The following STK26 variants were observed in gnomAD, a reference collection of about 807,000 sequenced individuals.
The protein encoded by STK26 is serine/threonine kinase 26.
In STK26, 14 loss-of-function variants were observed where a neutral mutation model predicts 34.7. The observed-to-expected ratio is 0.40, with a 90% CI of 0.27 to 0.63. STK26 has a LOEUF of 0.63. Among genes scored for constraint, STK26 ranks in the 30% least tolerant of loss-of-function variants. The pLI is 0.38. For synonymous variants in STK26, 100 were observed against 109.8 expected (o/e 0.91, Z 0.56); for missense variants, 226 against 309.1 (o/e 0.73, Z 2.02).
intron 2 of STK26, among the ~76,000 whole-genome samples, chrX:132,052,883 G>A (rs752869124): frequency 2.1e-4 from 23 of 111,911 alleles, no homozygotes; most frequent in Non-Finnish European, 4.1e-4. Flanking sequence ...TCTAAAGGAA[G>A]TTATAAGGAG....
intron 2 of STK26, among the ~76,000 whole-genome samples, chrX:132,030,850 T>G (rs952977322): frequency 8.9e-6 from 1 of 112,098 alleles, no homozygotes; most frequent in Admixed American, 9.4e-5. Context: ...AAAAAATCAA[T>G]TAAATACACA....
rs780838141 is a variant in STK26, at chrX:132,074,142, G to C, written c.1234G>C (p.Ala412Pro). Residue 412 changes from alanine to proline, a missense_variant, in exon 12 of 12, where the codon GCA becomes CCA. Transcript: ENST00000394334. The stretch of plus-strand genomic sequence containing the variant: ...TTTTTAAAAATTTTATAGGTGTTCA[G>C]CAGACGAATCCCCCTAAGAAACTTA... Reference protein sequence around the residue: ...KLIEKFQKCSADESP With the variant: ...KLIEKFQKCSPDESP 1 of 1,205,524 alleles carries C rather than the reference G, an allele frequency of 8.3e-7. No homozygotes were observed. Among genetic ancestry groups the C allele is most frequent in the East Asian group, 3.0e-5 (1 of 33,665 alleles).
intron 2 of STK26, among the ~76,000 whole-genome samples, chrX:132,047,042 A>G (rs1926520533): frequency 8.9e-6 from 1 of 112,411 alleles, no homozygotes; most frequent in Admixed American, 9.5e-5. Flanking sequence ...CTGTCCACAT[A>G]AAGAAATTTA....
intron 9 of STK26, 38 bp from the exon 10 acceptor site, chrX:132,072,775 T>C: frequency 8.6e-7 from 1 of 1,161,821 alleles, no homozygotes; most frequent in Non-Finnish European, 1.2e-6. Context: ...GACACTTATT[T>C]TAATTTCATG....
At chrX:132,063,589 T>C (rs1280712933) in intron 4 of STK26, 100 bp downstream of exon 4, 1 of 761,128 alleles carries the variant, frequency 1.3e-6, no homozygotes, top group Non-Finnish European at 1.9e-6. Flanking sequence ...GCACGCTAAG[T>C]GGTTGCTTTA....
chrX:132,071,204 G>C lies in STK26; in HGVS notation c.919G>C (p.Glu307Gln), dbSNP rs764289150. The C allele has an allele frequency of 8.3e-7, 1 of 1,208,763 alleles. No homozygotes were observed. The highest frequency in any genetic ancestry group is 3.0e-5 in the East Asian group (1 of 33,786). The part of the protein sequence containing the change: ...EGHSDDESDS[E>Q]GSDSESTSRE... Reference sequence around the variant, plus strand: ...ACACAGTGATGATGAATCTGATTCCGAGGGCTCTGATTCGTATGTACAAAT... The same window carrying C: ...ACACAGTGATGATGAATCTGATTCCCAGGGCTCTGATTCGTATGTACAAAT... The change falls in exon 8 of 12, where the codon GAG (glutamate) becomes CAG (glutamine). Residue 307 changes from glutamate (E) to glutamine (Q), a missense_variant. Transcript: ENST00000394334.
intron 1 of STK26, 29 bp downstream of exon 1, chrX:132,023,436 C>A: frequency 1.7e-6 from 1 of 600,760 alleles, no homozygotes; most frequent in Non-Finnish European, 2.8e-6. Flanking sequence ...AGCTGCGCCG[C>A]TAACAGCCCA....
At position 132,072,971 on chromosome X, in the gene STK26, C is replaced by T. The variant is rs761659579; in HGVS notation, c.1104C>T (p.Asp368=). ...TTCTTTCTCAGCTTAAACAGCAGGA[C>T]GAGAATAACGCTAGCAGGAATCAGG... ...TPAFAELKQQ[D]ENNASRNQAI... is the part of the protein sequence containing the mutation. The change falls in exon 11 of 12, where the codon GAC becomes GAT. Residue 368 remains aspartate (D), a synonymous_variant. Transcript: ENST00000394334. The T allele has an allele frequency of 1.8e-5, 22 of 1,207,713 alleles. No individual in the cohort carries two copies. Among genetic ancestry groups the T allele is most frequent in the Middle Eastern group, 4.6e-4 (2 of 4,356 alleles).
intron 3 of STK26, among the ~76,000 whole-genome samples, chrX:132,063,120 G>T (rs1158875778): frequency 9.0e-6 from 1 of 110,767 alleles, no homozygotes; most frequent in African/African-American, 3.3e-5. Flanking sequence ...ATTTTTAAAA[G>T]TATAATTAAA....
chrX:132,074,116 T>C lies in STK26; in HGVS notation c.1227-19T>C. 4 of 1,195,529 alleles carry C rather than the reference T, an allele frequency of 3.3e-6. No individual in the cohort carries two copies. Among genetic ancestry groups the C allele is most frequent in the Non-Finnish European group, 4.5e-6 (4 of 884,624 alleles). The stretch of plus-strand genomic sequence containing the variant: ...ATGCATAGTTGTACATTGGTTTAAA[T>C]TTTTTAAAAATTTTATAGGTGTTCA... On this transcript the variant is annotated intron_variant, in intron 11 of 11. Coordinates refer to ENST00000394334, the MANE Select transcript of STK26 (RefSeq NM_016542.4).
chrX:132,036,018 A>G (rs1003476688), intron 2 of STK26, among the ~76,000 whole-genome samples: 6 of 111,621 alleles, frequency 5.4e-5, no homozygotes, highest in African/African-American at 1.6e-4. Flanking sequence ...AATATTCTCT[A>G]TACCTGTCAG....
intron 1 of STK26, 22 bp from the exon 2 acceptor site, chrX:132,023,475 GCCCAGTAACCC>G (rs1935028606): frequency 1.3e-6 from 1 of 775,112 alleles, no homozygotes; most frequent in Non-Finnish European, 1.9e-6. Context: ...CGCGCCGCCA[GCCCAGTAACCC>G]CACTTTTGTG....
Position 132,050,396 on chromosome X carries a change from A to G in STK26, c.43-4235A>G, listed in dbSNP as rs756370454. On this transcript the variant is annotated intron_variant, in intron 2 of 11. Transcript: ENST00000394334. ...ATATGTTGCTTGTGTTTTGACAAAC[A>G]TTATGTTTCTAATCTTGAGTCATCC... is the stretch of plus-strand genomic sequence containing the variant. Among the ~76,000 whole-genome samples, 11 of 112,111 alleles carry G rather than the reference A, an allele frequency of 9.8e-5. No individual in the cohort carries two copies. In the East Asian group the frequency reaches 2.0e-3, roughly 20 times the overall value.
chrX:132,024,798 G>T, intron 2 of STK26, among the ~76,000 whole-genome samples: 1 of 104,490 alleles, frequency 9.6e-6, no homozygotes, highest in African/African-American at 3.5e-5. Flanking sequence ...GTCCACAAAA[G>T]TGATTTTTAA....
At chrX:132,060,489 A>G (rs1927010407) in intron 3 of STK26, among the ~76,000 whole-genome samples, 1 of 111,607 alleles carries the variant, frequency 9.0e-6, no homozygotes, top group African/African-American at 3.3e-5. Context: ...TTAATCAGGC[A>G]AAATATACTT....
chrX:132,068,349 G>A, intron 5 of STK26, 26 bp downstream of exon 5: 1 of 1,194,547 alleles, frequency 8.4e-7, no homozygotes, highest in Non-Finnish European at 1.1e-6. Context: ...ATATGAACCT[G>A]AGAAAAATAG....
chrX:132,046,395 G>A (rs1926498720), intron 2 of STK26, among the ~76,000 whole-genome samples: 1 of 111,655 alleles, frequency 9.0e-6, no homozygotes, highest in Non-Finnish European at 1.9e-5. Flanking sequence ...TCCTCAAACT[G>A]CTATGTTATT....
At chrX:132,040,132 A>T (rs1045443719) in intron 2 of STK26, among the ~76,000 whole-genome samples, 10 of 112,606 alleles carry the variant, frequency 8.9e-5, no homozygotes, top group East Asian at 8.4e-4. Context: ...TATTTAAAAA[A>T]GATGTGACAG....
rs186535703 is a variant in STK26, at chrX:132,042,755, C to T, written c.43-11876C>T. Among the ~76,000 whole-genome samples, 4 of 111,256 alleles carry T rather than the reference C, an allele frequency of 3.6e-5. No homozygotes were observed. The East Asian group carries it at 1.1e-3, about 31-fold the overall frequency. On this transcript the variant is annotated intron_variant, in intron 2 of 11. Coordinates refer to ENST00000394334, the MANE Select transcript of STK26 (RefSeq NM_016542.4). ...GACCATTCTTTTGTTCAATAACCTC[C>T]TCTCTTTTTGCCAAGATTAAAATCA...
Sources: allele counts gnomAD v4.1 joint callset (sites outside exome capture counted in the v4.1 genomes callset), GRCh38; gene constraint gnomAD v4.1.1; transcripts MANE v1.5; gene names NCBI Gene and HGNC (gene_info 2026-07-23, HGNC 2026-07-21).